Variants in ST6GALNAC3 observed in about 807,000 individuals in gnomAD.
The protein encoded by ST6GALNAC3 is alpha-N-acetylgalactosaminide alpha-2,6-sialyltransferase 3.
Under a neutral mutation model 32.7 loss-of-function variants are expected in ST6GALNAC3, and 25 were observed. The ratio of observed to expected loss-of-function variants is 0.76; its 90% confidence interval spans 0.56 to 1.07. ST6GALNAC3 has a LOEUF of 1.07. ST6GALNAC3 is among the 50% of genes least tolerant of loss of function. The pLI is 0.00. For missense variants in ST6GALNAC3, 355 were observed against 382.4 expected (o/e 0.93, Z 0.60); for synonymous variants, 129 against 133.1 (o/e 0.97, Z 0.21).
rs373373466 is a variant in ST6GALNAC3, at chr1:76,152,466, G to T, written c.18+77582G>T. Among the ~76,000 whole-genome samples the T allele has an allele frequency of 4.6e-5, 7 of 152,296 alleles. No homozygotes were observed. The East Asian group carries it at 1.4e-3, about 29-fold the overall frequency. ...ACTTGTGGAGCCACTTTGATGAAAG[G>T]GTCTGGATTATTTGCAAAGTCTTGT... is the stretch of plus-strand genomic sequence containing the variant. On this transcript the variant is annotated intron_variant, in intron 1 of 4. Transcript: ENST00000328299.
chr1:76,284,094 A>T (rs72998597), intron 1 of ST6GALNAC3, among the ~76,000 whole-genome samples: 1 of 152,198 alleles, frequency 6.6e-6, no homozygotes, highest in African/African-American at 2.4e-5. Flanking sequence ...ACAGAAATTT[A>T]TGCTTTAAAG....
intron 3 of ST6GALNAC3, among the ~76,000 whole-genome samples, chr1:76,512,088 A>G (rs1661897675): frequency 6.6e-6 from 1 of 152,200 alleles, no homozygotes; most frequent in African/African-American, 2.4e-5. Context: ...ATTTCCTGAC[A>G]TTAATCTCTT....
At chr1:76,211,584 C>CA (rs1312753191) in intron 1 of ST6GALNAC3, among the ~76,000 whole-genome samples, 2 of 144,406 alleles carry the variant, frequency 1.4e-5, no homozygotes. Context: ...GGCACATATA[C>CA]ACCATGGAAT....
chr1:76,307,105 A>T (rs1380118458), intron 1 of ST6GALNAC3, among the ~76,000 whole-genome samples: 1 of 152,138 alleles, frequency 6.6e-6, no homozygotes, highest in Non-Finnish European at 1.5e-5. Context: ...CCAGAAAGCA[A>T]CGTCTCTCAG....
At chr1:76,074,967 C>A in intron 1 of ST6GALNAC3, 83 bp downstream of exon 1, 2 of 1,504,722 alleles carry the variant, frequency 1.3e-6, no homozygotes, top group South Asian at 1.2e-5. Context: ...GCGGTCCCAC[C>A]GCATCCTCAT....
At chr1:76,553,879 C>T (rs1664772101) in intron 3 of ST6GALNAC3, among the ~76,000 whole-genome samples, 1 of 146,536 alleles carries the variant, frequency 6.8e-6, no homozygotes, top group Non-Finnish European at 1.5e-5. Context: ...TTGAGCAGTA[C>T]TGTTTCTGTC....
intron 3 of ST6GALNAC3, among the ~76,000 whole-genome samples, chr1:76,464,817 C>T (rs986868932): frequency 2.6e-5 from 4 of 152,134 alleles, no homozygotes; most frequent in Admixed American, 2.0e-4. Flanking sequence ...ATGTAGGTGA[C>T]TTTCCCAGGG....
chr1:76,219,442 T>C (rs997726304), intron 1 of ST6GALNAC3, among the ~76,000 whole-genome samples: 9 of 152,216 alleles, frequency 5.9e-5, no homozygotes, highest in African/African-American at 1.7e-4. Flanking sequence ...CAGGTGCAGA[T>C]GCAAACCTCT....
chr1:76,614,533 C>A (rs1229687271), intron 3 of ST6GALNAC3, among the ~76,000 whole-genome samples: 1 of 151,772 alleles, frequency 6.6e-6, no homozygotes, highest in Non-Finnish European at 1.5e-5. Context: ...TCCTGGCTAA[C>A]ACAGTGAAAC....
intron 2 of ST6GALNAC3, among the ~76,000 whole-genome samples, chr1:76,363,728 C>T (rs1322343332): frequency 6.6e-6 from 1 of 152,126 alleles, no homozygotes; most frequent in Non-Finnish European, 1.5e-5. Context: ...GCTGGCATCT[C>T]CTCTGCTTCT....
intron 2 of ST6GALNAC3, among the ~76,000 whole-genome samples, chr1:76,391,539 CCTT>C (rs1652555148): frequency 7.3e-6 from 1 of 136,342 alleles, no homozygotes; most frequent in African/African-American, 3.1e-5. Flanking sequence ...TTCCTTCCTT[CCTT>C]CCTTCCTTCC....
chr1:76,102,645 C>T (rs1226554120), intron 1 of ST6GALNAC3, among the ~76,000 whole-genome samples: 1 of 151,984 alleles, frequency 6.6e-6, no homozygotes, highest in Non-Finnish European at 1.5e-5. Context: ...GGTCTTAGAC[C>T]ACTTTAATGG....
chr1:76,528,638 C>G (rs1202107559), intron 3 of ST6GALNAC3, among the ~76,000 whole-genome samples: 1 of 151,674 alleles, frequency 6.6e-6, no homozygotes, highest in African/African-American at 2.4e-5. Flanking sequence ...TCGAAAGCAT[C>G]TTAGGATAGT....
At chr1:76,467,089 C>G (rs1658685868) in intron 3 of ST6GALNAC3, among the ~76,000 whole-genome samples, 1 of 151,772 alleles carries the variant, frequency 6.6e-6, no homozygotes, top group Non-Finnish European at 1.5e-5. Flanking sequence ...TTTATATGAT[C>G]TAATTTACAA....
At position 76,634,186 on chromosome 1, in the gene ST6GALNAC3, C is replaced by G. The variant is rs1250441461; in HGVS notation, c.*5380C>G. ...CAGAAAAATAGAAGCTCACTTCCTTCCATAAAGGTGAAGAACATCTTGATG... is the reference window on the plus strand; with the variant it reads ...CAGAAAAATAGAAGCTCACTTCCTTGCATAAAGGTGAAGAACATCTTGATG... On this transcript the variant is annotated 3_prime_UTR_variant, in exon 5 of 5. Transcript: ENST00000328299. The G allele has an allele frequency of 2.0e-6, 2 of 982,906 alleles. No homozygotes were observed. Among genetic ancestry groups the G allele is most frequent in the Non-Finnish European group, 2.4e-6 (2 of 827,894 alleles). 60.9% of individuals were successfully genotyped at this position (982,906 alleles called of 1,614,324 possible). A position where few individuals can be genotyped will look rare whatever the true frequency, so the allele number is the denominator to read the frequency against.
chr1:76,583,717 A>G (rs1382045754), intron 3 of ST6GALNAC3, among the ~76,000 whole-genome samples: 1 of 152,206 alleles, frequency 6.6e-6, no homozygotes, highest in Non-Finnish European at 1.5e-5. Context: ...CAGATATACT[A>G]GCTACTCTTT....
At chr1:76,348,062 A>G (rs1648667315) in intron 2 of ST6GALNAC3, among the ~76,000 whole-genome samples, 1 of 152,224 alleles carries the variant, frequency 6.6e-6, no homozygotes, top group Non-Finnish European at 1.5e-5. Context: ...TGTTTTTCGT[A>G]GAAGCCTACC....
At chr1:76,624,070 T>A (rs1172993707) in intron 3 of ST6GALNAC3, among the ~76,000 whole-genome samples, 1 of 151,920 alleles carries the variant, frequency 6.6e-6, no homozygotes, top group Non-Finnish European at 1.5e-5. Context: ...CCCAAATATA[T>A]CAGAGGCATC....
chr1:76,509,383 TG>T lies in ST6GALNAC3; in HGVS notation c.623+96970del, dbSNP rs1337621691. Reference sequence around the variant, plus strand: ...AAGAATGGGTGGAAATTTATAATATTGGGGTTTGGCTGATGCTACAGGATTT... The same window carrying T: ...AAGAATGGGTGGAAATTTATAATATTGGGTTTGGCTGATGCTACAGGATTT... On this transcript the variant is annotated intron_variant, in intron 3 of 4. Transcript: ENST00000328299. The surrounding 1 kb of genome is among the most constrained non-coding windows in gnomAD (Gnocchi z 5.5). Among the ~76,000 whole-genome samples the T allele has an allele frequency of 6.6e-6, 1 of 152,130 alleles. No individual in the cohort carries two copies. The highest frequency in any genetic ancestry group is 1.5e-5 in the Non-Finnish European group (1 of 68,020).
Sources: allele counts gnomAD v4.1 joint callset (sites outside exome capture counted in the v4.1 genomes callset), GRCh38; gene constraint gnomAD v4.1.1; non-coding constraint Gnocchi (gnomAD v3.1); transcripts MANE v1.5; gene names NCBI Gene and HGNC (gene_info 2026-07-23, HGNC 2026-07-21).